NFILZ: variants seen among roughly 807,000 people sequenced by gnomAD.
The protein encoded by NFILZ is NFIL3 like basic leucine zipper.
rs2043140576 is a variant in NFILZ at position 8,680,328 on chromosome 19, T to C, written c.*2693T>C. On this transcript the variant is annotated 3_prime_UTR_variant, in exon 6 of 6. Coordinates refer to ENST00000691075, the MANE Select transcript of NFILZ (RefSeq NM_001378600.1). ...ATTCATTCATTCATTCATTCATTCATTTTTTAATTCATTTGCTTATTTAGC... is the reference window on the plus strand; with the variant it reads ...ATTCATTCATTCATTCATTCATTCACTTTTTAATTCATTTGCTTATTTAGC... Among the ~76,000 whole-genome samples, 1 of 151,446 alleles carries C rather than the reference T, an allele frequency of 6.6e-6. No individual in the cohort carries two copies. Among genetic ancestry groups the C allele is most frequent in the African/African-American group, 2.4e-5 (1 of 41,092 alleles).
chr19:8,659,300 A>C (rs1366512162), intron 3 of NFILZ, among the ~76,000 whole-genome samples: 3 of 152,182 alleles, frequency 2.0e-5, no homozygotes, highest in African/African-American at 7.2e-5. Context: ...AAATAATTAC[A>C]CAGATACCTG....
chr19:8,664,604 G>T (rs952215151), intron 3 of NFILZ, among the ~76,000 whole-genome samples: 5 of 152,162 alleles, frequency 3.3e-5, no homozygotes, highest in Non-Finnish European at 7.4e-5. Context: ...TGAGGCAGGG[G>T]CTCCATCAGA....
At chr19:8,649,599 T>C (rs988876272) in intron 3 of NFILZ, among the ~76,000 whole-genome samples, 4 of 151,990 alleles carry the variant, frequency 2.6e-5, no homozygotes, top group African/African-American at 9.7e-5. Flanking sequence ...AATTTTTCCA[T>C]GAGCGCCTGT....
chr19:8,676,022 G>A (rs895587775), intron 4 of NFILZ, among the ~76,000 whole-genome samples: 2 of 152,216 alleles, frequency 1.3e-5, no homozygotes, highest in African/African-American at 4.8e-5. Context: ...GAATGGATGA[G>A]TGAGTAAGTG....
chr19:8,635,355 T>G (rs1600137784), intron 2 of NFILZ, among the ~76,000 whole-genome samples: 1 of 151,538 alleles, frequency 6.6e-6, no homozygotes, highest in South Asian at 2.1e-4. Context: ...ACAGAATACC[T>G]TTTTCCCTCC....
Position 8,679,179 on chromosome 19 carries a change from T to G in NFILZ, c.*1544T>G, listed in dbSNP as rs2967674. 0.69 allele frequency among the ~76,000 whole-genome samples: 104,911 copies of G among 151,680 alleles called. 37,325 individuals carry two copies. The highest frequency in any genetic ancestry group is 0.86 in the East Asian group (4,432 of 5,150). On this transcript the variant is annotated 3_prime_UTR_variant, in exon 6 of 6. Transcript: ENST00000691075. ...GTATACACCCACCCAGGTGGAAGGG[T>G]CCATTCTGCAGGGAAGGTCTTCCAG...
At chr19:8,663,758 G>GTGTGTGTGTGTATGTGTGTA (rs2043048118) in intron 3 of NFILZ, among the ~76,000 whole-genome samples, 8 of 148,438 alleles carry the variant, frequency 5.4e-5, no homozygotes, top group Non-Finnish European at 1.2e-4. Flanking sequence ...GTGTGTGTGT[G>GTGTGTGTGTGTATGTGTGTA]TGTGTGTGTG....
At chr19:8,637,220 C>T (rs576519175) in intron 3 of NFILZ, among the ~76,000 whole-genome samples, 1 of 152,078 alleles carries the variant, frequency 6.6e-6, no homozygotes, top group African/African-American at 2.4e-5. Flanking sequence ...ATGACGCACA[C>T]ATATAATCTC....
chr19:8,671,657 G>A (rs970918169), intron 3 of NFILZ, among the ~76,000 whole-genome samples: 4 of 152,204 alleles, frequency 2.6e-5, no homozygotes, highest in African/African-American at 4.8e-5. Context: ...TGTTCATCTC[G>A]GAGCTTGCCT....
chr19:8,656,945 C>T (rs928586024), intron 3 of NFILZ, among the ~76,000 whole-genome samples: 3 of 151,916 alleles, frequency 2.0e-5, no homozygotes, highest in East Asian at 3.9e-4. Context: ...GTCCAGTCAC[C>T]GTGCTGAAGG....
At chr19:8,641,219 T>A (rs1555746629) in intron 3 of NFILZ, among the ~76,000 whole-genome samples, 6 of 151,522 alleles carry the variant, frequency 4.0e-5, no homozygotes. Context: ...CTGACTAATG[T>A]TTGTTTTTTT....
At position 8,677,854 on chromosome 19, in the gene NFILZ, C is replaced by A. The variant is rs1388338947; in HGVS notation, c.*219C>A. ...ATCTTGGATTCTACCATGGCTCTTG[C>A]CTTGCCTTAAAATCTATGCTTTGGG... On this transcript the variant is annotated 3_prime_UTR_variant, in exon 6 of 6. Transcript: ENST00000691075. Among the ~76,000 whole-genome samples the A allele has an allele frequency of 6.6e-6, 1 of 152,056 alleles. No homozygotes were observed. Among genetic ancestry groups the A allele is most frequent in the Non-Finnish European group, 1.5e-5 (1 of 68,014 alleles).
In NFILZ at chr19:8,680,173, GC is replaced by G. The variant is rs552355997; in HGVS notation, c.*2539del. 2.5e-3 allele frequency among the ~76,000 whole-genome samples: 378 copies of G among 148,326 alleles called. 2 individuals are homozygous for G. Among genetic ancestry groups the G allele is most frequent in the African/African-American group, 8.8e-3 (353 of 39,996 alleles). On this transcript the variant is annotated 3_prime_UTR_variant, in exon 6 of 6. Transcript: ENST00000691075. ...ATTGCACCACTGCAGTCCAGCCTGG[GC>G]GACAGAGCGAGACTCCATCTGAAAA...
At chr19:8,669,585 C>G (rs1179685279) in intron 3 of NFILZ, among the ~76,000 whole-genome samples, 1 of 152,194 alleles carries the variant, frequency 6.6e-6, no homozygotes. Context: ...CTGTGGAAAC[C>G]AACCTCTACC....
In NFILZ at chr19:8,680,396, A is replaced by C. The variant is rs1367888189; in HGVS notation, c.*2761A>C. 6.8e-6 allele frequency among the ~76,000 whole-genome samples: 1 copy of C among 146,234 alleles called. No individual in the cohort carries two copies. Among genetic ancestry groups the C allele is most frequent in the Non-Finnish European group, 1.5e-5 (1 of 67,584 alleles). ...AGTTTCTCATTGTTTCATTTTATTC[A>C]AGGCATGTTTTGTTGTAAAAAGTCT... On this transcript the variant is annotated 3_prime_UTR_variant, in exon 6 of 6. Coordinates refer to ENST00000691075, the MANE Select transcript of NFILZ (RefSeq NM_001378600.1).
At chr19:8,642,212 G>A (rs2042922169) in intron 3 of NFILZ, among the ~76,000 whole-genome samples, 1 of 149,408 alleles carries the variant, frequency 6.7e-6, no homozygotes, top group African/African-American at 2.5e-5. Flanking sequence ...TGATTCTTTA[G>A]CCTGTAGCTA....
intron 3 of NFILZ, among the ~76,000 whole-genome samples, chr19:8,653,049 T>C (rs1273898771): frequency 8.6e-4 from 74 of 86,234 alleles, no homozygotes; most frequent in East Asian, 3.9e-3. Flanking sequence ...TCTCTCTCTC[T>C]CTCTCTCTCT....
chr19:8,653,976 C>A (rs1426977185), intron 3 of NFILZ, among the ~76,000 whole-genome samples: 3 of 152,182 alleles, frequency 2.0e-5, no homozygotes, highest in African/African-American at 7.2e-5. Context: ...CACTTGTAAT[C>A]CCAGCATTTT....
chr19:8,638,937 G>A (rs1417231115), intron 3 of NFILZ, among the ~76,000 whole-genome samples: 6 of 149,772 alleles, frequency 4.0e-5, no homozygotes, highest in African/African-American at 1.2e-4. Context: ...TCTGCCTCCC[G>A]GGTTCAAGGG....
Sources: allele counts gnomAD v4.1 joint callset (sites outside exome capture counted in the v4.1 genomes callset), GRCh38; gene constraint gnomAD v4.1.1; transcripts MANE v1.5; gene names NCBI Gene and HGNC (gene_info 2026-07-23, HGNC 2026-07-21).